Variants in IGF2R observed in about 807,000 individuals in gnomAD.
IGF2R encodes insulin like growth factor 2 receptor.
IGF2R carries 91 observed loss-of-function variants against 270.6 expected under a neutral mutation model. The observed-to-expected ratio is 0.34, with a 90% CI of 0.28 to 0.40. The LOEUF is 0.40. Among genes scored for constraint, IGF2R ranks in the 10% least tolerant of loss-of-function variants. The pLI, the probability that IGF2R is intolerant of heterozygous loss-of-function variation, is 1.00. For synonymous variants in IGF2R, 1,316 were observed against 1,258.9 expected (o/e 1.05, Z -0.96); for missense variants, 2,805 against 3,188.3 (o/e 0.88, Z 2.90).
At chr6:159,997,640 T>G (rs1474806492) in intron 2 of IGF2R, among the ~76,000 whole-genome samples, 2 of 152,184 alleles carry the variant, frequency 1.3e-5, no homozygotes, top group East Asian at 3.8e-4. Context: ...AGCCGCTCTC[T>G]GCCCCTCTCG....
chr6:160,089,057 C>T (rs1232717241), intron 42 of IGF2R, 50 bp from the exon 43 acceptor site: 1 of 1,587,110 alleles, frequency 6.3e-7, no homozygotes, highest in South Asian at 1.1e-5. Context: ...GCAGTCTTCC[C>T]TTATGTCTGG....
rs201365839 is a variant in IGF2R at position 160,064,557 on chromosome 6, C to A, written c.4017+26C>A. ...GTGAGCATGTACCGACGGCCCTCAGCGGGGTCTTCTCCCCACCCTCAGGCT... is the reference window on the plus strand; with the variant it reads ...GTGAGCATGTACCGACGGCCCTCAGAGGGGTCTTCTCCCCACCCTCAGGCT... On this transcript the variant is annotated intron_variant, in intron 28 of 47. Coordinates refer to ENST00000356956, the MANE Select transcript of IGF2R (RefSeq NM_000876.4). The A allele has an allele frequency of 4.3e-6, 7 of 1,612,260 alleles. No individual in the cohort carries two copies. In the Admixed American group the frequency reaches 5.0e-5, roughly 12 times the overall value.
rs148732577 is a variant in IGF2R at position 160,069,917 on chromosome 6, C to T, written c.4302C>T (p.Pro1434=). The change falls in exon 31 of 48, where the codon CCC becomes CCT. Residue 1434 remains proline, a synonymous_variant. Transcript: ENST00000356956. ...AAACLLGGSK[P]VNLGRVRDGP... Reference sequence around the variant, plus strand: ...CGTGTCTGCTGGGTGGCTCCAAGCCCGTGAACCTCGGCAGGGTAAGGGACG... The same window carrying T: ...CGTGTCTGCTGGGTGGCTCCAAGCCTGTGAACCTCGGCAGGGTAAGGGACG... The T allele has an allele frequency of 9.7e-5, 156 of 1,614,170 alleles. No individual in the cohort carries two copies. The African/African-American group carries it at 1.3e-3, about 14-fold the overall frequency.
intron 44 of IGF2R, chr6:160,094,544 T>C (rs1004417361): frequency 2.0e-5 from 3 of 153,642 alleles, no homozygotes; most frequent in Non-Finnish European, 2.9e-5. Context: ...CCTGGTATTG[T>C]ATTTCTGACT....
At chr6:160,076,364 G>A (rs1024795991) in intron 36 of IGF2R, among the ~76,000 whole-genome samples, 2 of 152,126 alleles carry the variant, frequency 1.3e-5, no homozygotes, top group Non-Finnish European at 1.5e-5. Flanking sequence ...TAGTCACTCA[G>A]GACATAGCCC....
chr6:160,024,970 G>A lies in IGF2R; in HGVS notation c.646+266G>A, dbSNP rs548960040. On this transcript the variant is annotated intron_variant, in intron 5 of 47. Transcript: ENST00000356956. ...GGTGTTCTCTCGGCCAGACACCTTG[G>A]GTTTCGGGATTCTACAGAAGTGAGG... is the stretch of plus-strand genomic sequence containing the variant. 5.3e-5 allele frequency among the ~76,000 whole-genome samples: 8 copies of A among 152,142 alleles called. No homozygotes were observed. The South Asian group carries it at 1.5e-3, about 28-fold the overall frequency.
chr6:159,972,483 G>T (rs748866117), intron 1 of IGF2R, among the ~76,000 whole-genome samples: 1 of 152,182 alleles, frequency 6.6e-6, no homozygotes, highest in Non-Finnish European at 1.5e-5. Context: ...AATCCTAGCC[G>T]TAAATTCTCA....
chr6:160,040,828 G>A (rs1488078579), intron 11 of IGF2R, 104 bp downstream of exon 11: 2 of 1,173,112 alleles, frequency 1.7e-6, no homozygotes, highest in Non-Finnish European at 2.4e-6. Flanking sequence ...TCAGTGGGTT[G>A]CGTCACAGCC....
intron 2 of IGF2R, chr6:160,003,569 A>C (rs1344852294): frequency 6.6e-6 from 1 of 152,174 alleles, no homozygotes; most frequent in African/African-American, 2.4e-5. Flanking sequence ...TTTTCTTCTT[A>C]TTTACTTGGT....
At chr6:160,072,730 G>C (rs749686409) in intron 32 of IGF2R, 35 bp from the exon 33 acceptor site, 1 of 1,613,914 alleles carries the variant, frequency 6.2e-7, no homozygotes. Context: ...CAGCTCCCTG[G>C]AGTCACTGTG....
chr6:160,092,085 G>A (rs999904754), intron 44 of IGF2R, among the ~76,000 whole-genome samples: 7 of 147,236 alleles, frequency 4.8e-5, no homozygotes, highest in South Asian at 2.2e-4. Context: ...GGGTGACACC[G>A]CTGGTGTGTC....
At chr6:160,095,967 T>G (rs913409105) in intron 44 of IGF2R, 1 of 152,498 alleles carries the variant, frequency 6.6e-6, no homozygotes, top group African/African-American at 2.4e-5. Flanking sequence ...GAATGAGGAA[T>G]TCTTTATGAA....
rs1191287592 is a variant in IGF2R at position 159,969,114 on chromosome 6, C to T, written c.-133C>T. On this transcript the variant is annotated 5_prime_UTR_variant, in exon 1 of 48. Coordinates refer to ENST00000356956, the MANE Select transcript of IGF2R (RefSeq NM_000876.4). ...TCGCTGTCGCCGAGCCCAGTCGAGC[C>T]GCGCTCACCTCGGGCTCCCGCTCCG... The T allele has an allele frequency of 1.4e-5, 6 of 420,090 alleles. No individual in the cohort carries two copies. The highest frequency in any genetic ancestry group is 1.9e-5 in the Non-Finnish European group (6 of 314,240). The allele number at this position is 420,090 out of a possible 1,614,324, so 26.0% of individuals were successfully genotyped here. A position where few individuals can be genotyped will look rare whatever the true frequency, so the allele number is the denominator to read the frequency against.
At chr6:160,011,553 T>TG (rs939779425) in intron 4 of IGF2R, among the ~76,000 whole-genome samples, 3 of 121,442 alleles carry the variant, frequency 2.5e-5, no homozygotes, top group Admixed American at 7.8e-5. Context: ...CATATTTCGT[T>TG]TTTTTTTTTT....
At chr6:159,991,419 A>C in intron 2 of IGF2R, 96 bp downstream of exon 2, 1 of 996,032 alleles carries the variant, frequency 1.0e-6, no homozygotes, top group African/African-American at 1.6e-5. Flanking sequence ...GCGATACAAA[A>C]ATTTTGAATG....
intron 1 of IGF2R, among the ~76,000 whole-genome samples, chr6:159,984,440 C>T (rs1335189480): frequency 1.3e-5 from 2 of 152,226 alleles, no homozygotes; most frequent in Admixed American, 1.3e-4. Flanking sequence ...CTGACTCACC[C>T]AGAGCCGCTT....
intron 1 of IGF2R, among the ~76,000 whole-genome samples, chr6:159,976,800 C>T (rs1243094225): frequency 2.0e-5 from 3 of 151,894 alleles, no homozygotes; most frequent in East Asian, 1.9e-4. Context: ...TTCCATTGTG[C>T]GGGTAAATGT....
rs1171358908 is a variant in IGF2R, at chr6:160,107,070, T to C, written c.*1986T>C. On this transcript the variant is annotated 3_prime_UTR_variant, in exon 48 of 48. Transcript: ENST00000356956. ...CTGTAGAGTCCAAAAACCTCAACCGTCTCATTTTTAAATTATCCAATTGGA... is the reference window on the plus strand; with the variant it reads ...CTGTAGAGTCCAAAAACCTCAACCGCCTCATTTTTAAATTATCCAATTGGA... 1 of 152,212 alleles carries C rather than the reference T, an allele frequency of 6.6e-6. No homozygotes were observed. The highest frequency in any genetic ancestry group is 1.9e-4 in the East Asian group (1 of 5,194). The allele number at this position is 152,212 out of a possible 1,614,324, so 9.4% of individuals were successfully genotyped here.
chr6:160,035,327 G>A (rs964700883), intron 10 of IGF2R, among the ~76,000 whole-genome samples: 1 of 152,194 alleles, frequency 6.6e-6, no homozygotes, highest in Non-Finnish European at 1.5e-5. Context: ...AGCTTTGGGT[G>A]GCTTGGTTAC....
Sources: gnomAD v4.1 joint callset for allele counts (sites outside exome capture counted in the v4.1 genomes callset) on GRCh38, gnomAD v4.1.1 for gene constraint, MANE v1.5 for transcripts, NCBI Gene and HGNC (gene_info 2026-07-23, HGNC 2026-07-21) for gene names.